The following FAM3B variants were observed in gnomAD, a reference collection of about 807,000 sequenced individuals.
FAM3B encodes protein FAM3B.
FAM3B carries 29 observed loss-of-function variants against 28.4 expected under a neutral mutation model. The ratio of observed to expected loss-of-function variants is 1.02; its 90% CI spans 0.76 to 1.39. The LOEUF is 1.39. Among genes scored for constraint, FAM3B ranks in the 40% most tolerant of loss-of-function variants. The pLI is 0.00. For missense variants in FAM3B, 266 were observed against 293.9 expected, an observed-to-expected ratio of 0.91 and a Z score of 0.69; for synonymous variants, 91 against 103.0, an observed-to-expected ratio of 0.88 and a Z score of 0.71.
In FAM3B at chr21:41,342,975, A is replaced by G. The variant is rs566151818; in HGVS notation, c.288-1501A>G. On this transcript the variant is annotated intron_variant, in intron 3 of 7. Coordinates refer to ENST00000357985, the MANE Select transcript of FAM3B (RefSeq NM_058186.4). ...TCTTTGCTTCTCCCAGGGACCTGGA[A>G]CCTTTAGCAGAACAGGATGACCTGA... Among the ~76,000 whole-genome samples the G allele has an allele frequency of 6.4e-4, 97 of 152,332 alleles. 1 individual carries two copies. The highest frequency in any genetic ancestry group is 2.7e-3 in the South Asian group (13 of 4,826).
intron 1 of FAM3B, among the ~76,000 whole-genome samples, chr21:41,311,113 C>T (rs1233209549): frequency 6.7e-6 from 1 of 150,268 alleles, no homozygotes; most frequent in Non-Finnish European, 1.5e-5. Context: ...TCTCAGGACC[C>T]CTTTATACAC....
chr21:41,315,712 G>A (rs1256983316), upstream of FAM3B, among the ~76,000 whole-genome samples: 1 of 152,096 alleles, frequency 6.6e-6, no homozygotes, highest in Non-Finnish European at 1.5e-5. Flanking sequence ...CTCTGGTTTG[G>A]GGAGACTGCA....
At position 41,316,867 on chromosome 21, in the gene FAM3B, C is replaced by G. The variant is rs748266427; in HGVS notation, c.-13C>G. On this transcript the variant is annotated 5_prime_UTR_variant, in exon 1 of 8. Transcript: ENST00000357985. Reference sequence around the variant, plus strand: ...GCTGCCGCCAGGGCCAGGAGGGGAGCGGCACCTGGAAGATGCGCCCATTGG... The same window carrying G: ...GCTGCCGCCAGGGCCAGGAGGGGAGGGGCACCTGGAAGATGCGCCCATTGG... The G allele has an allele frequency of 7.0e-7, 1 of 1,424,322 alleles. No homozygotes were observed. Among genetic ancestry groups the G allele is most frequent in the Non-Finnish European group, 9.2e-7 (1 of 1,091,234 alleles). 88.2% of individuals were successfully genotyped at this position (1,424,322 alleles called of 1,614,324 possible). A position where few individuals can be genotyped will look rare whatever the true frequency, so the allele number is the denominator to read the frequency against.
At chr21:41,316,999 A>C in intron 1 of FAM3B, 101 bp downstream of exon 1, 2 of 1,097,680 alleles carry the variant, frequency 1.8e-6, no homozygotes, top group Non-Finnish European at 2.3e-6. Flanking sequence ...CACGCTTAGC[A>C]AAAGCGGGAG....
intron 7 of FAM3B, among the ~76,000 whole-genome samples, chr21:41,356,705 T>C (rs951950925): frequency 6.6e-6 from 1 of 152,212 alleles, no homozygotes; most frequent in African/African-American, 2.4e-5. Flanking sequence ...AAACACGGTA[T>C]AAATATATGG....
upstream of FAM3B, among the ~76,000 whole-genome samples, chr21:41,312,996 A>G (rs942132159): frequency 4.6e-5 from 7 of 152,168 alleles, no homozygotes; most frequent in Non-Finnish European, 8.8e-5. Context: ...TGTTGGGACC[A>G]CAGATTGTTC....
At chr21:41,344,227 T>C (rs2089035038) in intron 3 of FAM3B, among the ~76,000 whole-genome samples, 1 of 152,242 alleles carries the variant, frequency 6.6e-6, no homozygotes, top group African/African-American at 2.4e-5. Context: ...ATTATAAGAT[T>C]GAATGCAGTG....
intron 2 of FAM3B, among the ~76,000 whole-genome samples, chr21:41,335,386 G>A (rs577896049): frequency 7.9e-5 from 12 of 152,322 alleles, no homozygotes; most frequent in African/African-American, 2.9e-4. Flanking sequence ...GGAGGTGTTT[G>A]GATCACGGGA....
In FAM3B at chr21:41,344,526, T is replaced by A; in HGVS notation, c.338T>A (p.Ile113Asn). Residue 113 changes from isoleucine to asparagine, a missense_variant, in exon 4 of 8, where the codon ATT (isoleucine) becomes AAT (asparagine). Ile to Asn is a moderately radical substitution (Grantham distance 149). Coordinates refer to ENST00000357985, the MANE Select transcript of FAM3B (RefSeq NM_058186.4). ...GNVARGINIA[I>N]VNYVTGNVTA... ...GTTGCCAGAGGAATAAACATTGCCA[T>A]TGTCAACTGTAAGTTACTAAACATT... The A allele has an allele frequency of 3.1e-6, 5 of 1,613,778 alleles. No individual in the cohort carries two copies. The highest frequency in any genetic ancestry group is 4.2e-6 in the Non-Finnish European group (5 of 1,179,598).
At chr21:41,349,110 T>C (rs1474010937) in intron 7 of FAM3B, among the ~76,000 whole-genome samples, 1 of 152,224 alleles carries the variant, frequency 6.6e-6, no homozygotes, top group African/African-American at 2.4e-5. Context: ...GGACACCAAA[T>C]CAACACTGCA....
intron 1 of FAM3B, 39 bp downstream of exon 1, chr21:41,316,937 G>A (rs763687675): frequency 1.5e-6 from 2 of 1,312,240 alleles, no homozygotes; most frequent in East Asian, 3.0e-5. Context: ...GTAGGGGCGG[G>A]GAAGGAGGAC....
chr21:41,314,305 A>G (rs2088732165), upstream of FAM3B, among the ~76,000 whole-genome samples: 2 of 152,234 alleles, frequency 1.3e-5, no homozygotes, highest in South Asian at 4.1e-4. Flanking sequence ...AGACTCCAGA[A>G]CTGTGAGAAA....
At position 41,357,257 on chromosome 21, in the gene FAM3B, G is replaced by C; in HGVS notation, c.*60G>C. ...AACAAATGCAGCTGGAATCGCTCAAGAATCTTATTTTTCTAAATCCAACAG... is the reference window on the plus strand; with the variant it reads ...AACAAATGCAGCTGGAATCGCTCAACAATCTTATTTTTCTAAATCCAACAG... On this transcript the variant is annotated 3_prime_UTR_variant, in exon 8 of 8. Coordinates refer to ENST00000357985, the MANE Select transcript of FAM3B (RefSeq NM_058186.4). 8.2e-7 allele frequency: 1 copy of C among 1,225,060 alleles called. No individual in the cohort carries two copies. Among genetic ancestry groups the C allele is most frequent in the East Asian group, 2.5e-5 (1 of 39,682 alleles). 75.9% of individuals were successfully genotyped at this position (1,225,060 alleles called of 1,614,324 possible). A position where few individuals can be genotyped will look rare whatever the true frequency, so the allele number is the denominator to read the frequency against.
At chr21:41,356,495 T>A (rs905788433) in intron 7 of FAM3B, among the ~76,000 whole-genome samples, 2 of 152,146 alleles carry the variant, frequency 1.3e-5, no homozygotes, top group African/African-American at 4.8e-5. Flanking sequence ...GTTGTGTGGG[T>A]CCTTGGAGTA....
Position 41,322,971 on chromosome 21 carries a change from A to G in FAM3B, c.68A>G (p.Tyr23Cys), listed in dbSNP as rs544288319. The G allele has an allele frequency of 1.9e-6, 3 of 1,613,090 alleles. No individual in the cohort carries two copies. The highest frequency in any genetic ancestry group is 3.3e-5 in the Admixed American group (2 of 60,038). Reference sequence around the variant, plus strand: ...GTCTTCGCCTCCTTGTGTGCCTGGTATTCGGGGTACCTGCTCGCAGAGCTC... The same window carrying G: ...GTCTTCGCCTCCTTGTGTGCCTGGTGTTCGGGGTACCTGCTCGCAGAGCTC... ...FVVFASLCAW[Y>C]SGYLLAELIP... The change falls in exon 2 of 8, where the codon TAT (tyrosine) becomes TGT (cysteine). Residue 23 changes from tyrosine to cysteine, a missense_variant. Physicochemically the swap from Tyr to Cys is radical, Grantham distance 194 (BLOSUM62 -2). Transcript: ENST00000357985.
intron 3 of FAM3B, among the ~76,000 whole-genome samples, chr21:41,344,157 T>A (rs2089034150): frequency 6.6e-6 from 1 of 152,206 alleles, no homozygotes. Context: ...ATAAAGTGCA[T>A]CTGTGAAGAG....
At chr21:41,327,938 C>G (rs1272396620) in intron 2 of FAM3B, among the ~76,000 whole-genome samples, 1 of 152,138 alleles carries the variant, frequency 6.6e-6, no homozygotes, top group Non-Finnish European at 1.5e-5. Flanking sequence ...ACAGTGGGTC[C>G]GTATAGAGGC....
intron 7 of FAM3B, among the ~76,000 whole-genome samples, chr21:41,352,820 T>TAAATAAATAAATAAACAAACAAAC (rs61423023): frequency 2.7e-5 from 4 of 150,114 alleles, no homozygotes; most frequent in Admixed American, 2.0e-4. Context: ...AATAAATAAA[T>TAAATAAATAAATAAACAAACAAAC]AAATAAAGGA....
chr21:41,352,689 G>A (rs1278413578), intron 7 of FAM3B, among the ~76,000 whole-genome samples: 1 of 152,124 alleles, frequency 6.6e-6, no homozygotes, highest in Non-Finnish European at 1.5e-5. Flanking sequence ...AGCTACTCAG[G>A]AGGCTGAGGC....
Sources: gnomAD v4.1 joint callset for allele counts (sites outside exome capture counted in the v4.1 genomes callset) on GRCh38, gnomAD v4.1.1 for gene constraint, MANE v1.5 for transcripts, NCBI Gene and HGNC (gene_info 2026-07-23, HGNC 2026-07-21) for gene names.